HS3ST4: variants seen among roughly 807,000 people sequenced by gnomAD.
HS3ST4 encodes the protein heparan sulfate glucosamine 3-O-sulfotransferase 4.
In HS3ST4, 17 loss-of-function variants were observed where a neutral mutation model predicts 29.2. That is an observed-to-expected ratio of 0.58 (90% confidence interval 0.40 to 0.87). The LOEUF (loss-of-function observed/expected upper bound fraction) is 0.87. Among genes scored for constraint, HS3ST4 ranks in the 40% least tolerant of loss-of-function variants. The pLI is 0.00. For synonymous variants in HS3ST4, 314 were observed against 285.7 expected, an observed-to-expected ratio of 1.10 and a Z score of -1.00; for missense variants, 627 against 634.5, an observed-to-expected ratio of 0.99 and a Z score of 0.13.
chr16:25,771,868 G>A (rs1966842763), intron 1 of HS3ST4, among the ~76,000 whole-genome samples: 1 of 152,144 alleles, frequency 6.6e-6, no homozygotes, highest in African/African-American at 2.4e-5. Context: ...TACTGTAGGA[G>A]CTCAATGCAT....
chr16:25,843,896 C>T (rs765623886), intron 1 of HS3ST4, among the ~76,000 whole-genome samples: 11 of 152,118 alleles, frequency 7.2e-5, no homozygotes, highest in African/African-American at 9.7e-5. Flanking sequence ...TTCATTTTAA[C>T]GGGTTTTGAA....
intron 1 of HS3ST4, among the ~76,000 whole-genome samples, chr16:25,891,246 C>T (rs1429687303): frequency 3.3e-5 from 5 of 152,122 alleles, no homozygotes; most frequent in African/African-American, 4.8e-5. Flanking sequence ...TATAAGGTTG[C>T]GGATAGGAGA....
chr16:25,732,925 T>G (rs1484409261), intron 1 of HS3ST4, among the ~76,000 whole-genome samples: 1 of 152,170 alleles, frequency 6.6e-6, no homozygotes, highest in Non-Finnish European at 1.5e-5. Flanking sequence ...TGCCTAGCCC[T>G]GCTACACATC....
At chr16:25,894,687 A>G (rs1596605731) in intron 1 of HS3ST4, among the ~76,000 whole-genome samples, 2 of 151,594 alleles carry the variant, frequency 1.3e-5, no homozygotes, top group Non-Finnish European at 2.9e-5. Context: ...TGTATTTTTA[A>G]TAGAGACAGG....
chr16:26,119,144 A>G (rs1567316378), intron 1 of HS3ST4, among the ~76,000 whole-genome samples: 1 of 152,240 alleles, frequency 6.6e-6, no homozygotes, highest in Non-Finnish European at 1.5e-5. Flanking sequence ...CAGAGTTAGT[A>G]TCTGAGCCCA....
chr16:26,075,678 G>A (rs1460032350), intron 1 of HS3ST4, among the ~76,000 whole-genome samples: 1 of 152,134 alleles, frequency 6.6e-6, no homozygotes, highest in Non-Finnish European at 1.5e-5. Flanking sequence ...TTCTCAGCTG[G>A]CTGGGGTATA....
intron 1 of HS3ST4, among the ~76,000 whole-genome samples, chr16:26,049,607 G>C (rs1898312419): frequency 1.3e-5 from 2 of 150,928 alleles, no homozygotes; most frequent in Admixed American, 6.6e-5. Context: ...CACACACCAA[G>C]CAAGCAAGCA....
intron 1 of HS3ST4, among the ~76,000 whole-genome samples, chr16:26,043,331 G>C (rs1023382846): frequency 6.6e-5 from 10 of 152,138 alleles, no homozygotes; most frequent in African/African-American, 2.4e-4. Context: ...TCATGCGGGA[G>C]GATTGCATGG....
chr16:26,030,639 C>G (rs1013962336), intron 1 of HS3ST4, among the ~76,000 whole-genome samples: 1 of 152,152 alleles, frequency 6.6e-6, no homozygotes, highest in African/African-American at 2.4e-5. Flanking sequence ...CTATACATAC[C>G]TAGGCACCAT....
Position 26,097,826 on chromosome 16 carries a change from T to C in HS3ST4, c.735-37786T>C, listed in dbSNP as rs368818024. Reference sequence around the variant, plus strand: ...ACAGAATGGGAGAAAATGTTTGCAATCTACCCATCTGACAAAGGCCTAATA... The same window carrying C: ...ACAGAATGGGAGAAAATGTTTGCAACCTACCCATCTGACAAAGGCCTAATA... On this transcript the variant is annotated intron_variant, in intron 1 of 1. Coordinates refer to ENST00000331351, the MANE Select transcript of HS3ST4 (RefSeq NM_006040.3). Among the ~76,000 whole-genome samples the C allele has an allele frequency of 7.2e-5, 11 of 152,266 alleles. No homozygotes were observed. The East Asian group carries it at 2.1e-3, about 29-fold the overall frequency.
chr16:25,986,177 TAACAA>T (rs1969060885), intron 1 of HS3ST4, among the ~76,000 whole-genome samples: 1 of 152,232 alleles, frequency 6.6e-6, no homozygotes, highest in African/African-American at 2.4e-5. Context: ...TATCTCTACC[TAACAA>T]AATGTATGGT....
intron 1 of HS3ST4, among the ~76,000 whole-genome samples, chr16:26,068,825 T>C (rs2141775606): frequency 6.6e-6 from 1 of 152,310 alleles, no homozygotes; most frequent in Non-Finnish European, 1.5e-5. Context: ...AGGTGAATTG[T>C]TTGATTTTTG....
chr16:25,758,782 C>T lies in HS3ST4; in HGVS notation c.734+65631C>T, dbSNP rs372327416. ...ACCAGCCTGACCAACATGGTGAAACCCTGTCTCTACTAAAAATACAAAAAT... is the reference window on the plus strand; with the variant it reads ...ACCAGCCTGACCAACATGGTGAAACTCTGTCTCTACTAAAAATACAAAAAT... On this transcript the variant is annotated intron_variant, in intron 1 of 1. Coordinates refer to ENST00000331351, the MANE Select transcript of HS3ST4 (RefSeq NM_006040.3). Among the ~76,000 whole-genome samples the T allele has an allele frequency of 5.1e-4, 77 of 151,924 alleles. 1 individual carries two copies. The highest frequency in any genetic ancestry group is 4.4e-5 in the Non-Finnish European group (3 of 67,998).
At chr16:25,707,420 T>G (rs1966382823) in intron 1 of HS3ST4, among the ~76,000 whole-genome samples, 1 of 152,226 alleles carries the variant, frequency 6.6e-6, no homozygotes, top group Non-Finnish European at 1.5e-5. Context: ...TAGCTATGTA[T>G]GTATAGGAAA....
At chr16:26,047,844 G>C (rs941388722) in intron 1 of HS3ST4, among the ~76,000 whole-genome samples, 2 of 152,214 alleles carry the variant, frequency 1.3e-5, no homozygotes, top group African/African-American at 4.8e-5. Context: ...GATGGACCAT[G>C]AGCGGTGTAA....
intron 1 of HS3ST4, among the ~76,000 whole-genome samples, chr16:25,828,285 T>TTTCTTTCC (rs1967250091): frequency 1.0e-5 from 1 of 96,990 alleles, no homozygotes; most frequent in African/African-American, 4.4e-5. Flanking sequence ...TCTTTCTTTC[T>TTTCTTTCC]TTCTTTCTTT....
intron 1 of HS3ST4, among the ~76,000 whole-genome samples, chr16:25,846,138 A>T (rs1967464125): frequency 6.6e-6 from 1 of 152,112 alleles, no homozygotes; most frequent in Non-Finnish European, 1.5e-5. Flanking sequence ...TTTCCTCTTG[A>T]TCGTAAAGTA....
intron 1 of HS3ST4, among the ~76,000 whole-genome samples, chr16:25,697,592 G>C (rs1215148176): frequency 6.6e-6 from 1 of 152,248 alleles, no homozygotes; most frequent in Non-Finnish European, 1.5e-5. Context: ...GGCAGCACCT[G>C]TGTGGTGTAG....
chr16:25,879,106 A>G (rs4620963), intron 1 of HS3ST4, among the ~76,000 whole-genome samples: 26,879 of 152,190 alleles, frequency 0.18, 4,771 homozygotes, highest in African/African-American at 0.46. Flanking sequence ...CACATAGCAG[A>G]CCTTTAGAGG....
Sources: gnomAD v4.1 joint callset for allele counts (sites outside exome capture counted in the v4.1 genomes callset) on GRCh38, gnomAD v4.1.1 for gene constraint, MANE v1.5 for transcripts, NCBI Gene and HGNC (gene_info 2026-07-23, HGNC 2026-07-21) for gene names.